The following DACH2 variants were observed in gnomAD, a reference collection of about 807,000 sequenced individuals.
DACH2 encodes dachshund homolog 2.
A neutral mutation model predicts 35.8 loss-of-function variants in DACH2; 17 were observed. The observed-to-expected ratio is 0.48, with a 90% CI of 0.33 to 0.71. The LOEUF is 0.71. DACH2 is among the 30% of genes least tolerant of loss of function. The pLI is 0.02. For missense variants in DACH2, 469 were observed against 472.7 expected (o/e 0.99, Z 0.07); for synonymous variants, 195 against 177.3 (o/e 1.10, Z -0.79).
intron 3 of DACH2, among the ~76,000 whole-genome samples, chrX:86,528,533 A>T (rs763472661): frequency 8.9e-6 from 1 of 111,898 alleles, no homozygotes; most frequent in East Asian, 2.8e-4. Flanking sequence ...TGTGAATTGA[A>T]TTCTAAGCTT....
At chrX:86,419,419 T>A (rs2036763695) in intron 2 of DACH2, among the ~76,000 whole-genome samples, 1 of 112,004 alleles carries the variant, frequency 8.9e-6, no homozygotes. Context: ...ACAAGTCACA[T>A]CTTACATGTG....
At chrX:86,396,139 T>C (rs959800467) in intron 2 of DACH2, among the ~76,000 whole-genome samples, 1 of 112,274 alleles carries the variant, frequency 8.9e-6, no homozygotes, top group African/African-American at 3.2e-5. Context: ...CGATGGCCAG[T>C]GATGATGAGG....
At chrX:86,670,207 A>G (rs1486600016) in intron 4 of DACH2, among the ~76,000 whole-genome samples, 1 of 111,240 alleles carries the variant, frequency 9.0e-6, no homozygotes, top group Non-Finnish European at 1.9e-5. Flanking sequence ...AAATATATCA[A>G]GAATAGATCA....
intron 7 of DACH2, among the ~76,000 whole-genome samples, chrX:86,805,972 A>G (rs891742410): frequency 2.7e-5 from 3 of 111,039 alleles, no homozygotes; most frequent in African/African-American, 9.8e-5. Context: ...ACCTTCCCTC[A>G]TCTTCCTGTC....
At chrX:86,534,777 G>A (rs960402524) in intron 3 of DACH2, among the ~76,000 whole-genome samples, 4 of 111,220 alleles carry the variant, frequency 3.6e-5, no homozygotes, top group African/African-American at 6.5e-5. Flanking sequence ...TTTTACTTTA[G>A]GATTGTATAC....
intron 3 of DACH2, among the ~76,000 whole-genome samples, chrX:86,539,347 C>T (rs188995070): frequency 0.012 from 1,327 of 111,256 alleles, 13 homozygotes; most frequent in Middle Eastern, 0.047. Flanking sequence ...TCAATTAAAC[C>T]TCTTTTCTTT....
intron 7 of DACH2, among the ~76,000 whole-genome samples, chrX:86,796,051 G>A (rs2042234873): frequency 8.9e-6 from 1 of 111,763 alleles, no homozygotes; most frequent in Non-Finnish European, 1.9e-5. Flanking sequence ...TGCTGGCTTG[G>A]GTGGCCAGCT....
chrX:86,213,492 C>A (rs1340518088), intron 1 of DACH2, among the ~76,000 whole-genome samples: 1 of 111,173 alleles, frequency 9.0e-6, no homozygotes, highest in Non-Finnish European at 1.9e-5. Flanking sequence ...GAAAAGCTGG[C>A]AAACTTAAAT....
In DACH2 at chrX:86,393,704, T is replaced by G. The variant is rs181599361; in HGVS notation, c.527+16842T>G. On this transcript the variant is annotated intron_variant, in intron 2 of 11. Coordinates refer to ENST00000373125, the MANE Select transcript of DACH2 (RefSeq NM_053281.3). ...TTTGAGGTATCAGATAATGGGAATC[T>G]ATTTTTATTTACTTGGTGATGCCTA... Among the ~76,000 whole-genome samples, 24 of 111,521 alleles carry G rather than the reference T, an allele frequency of 2.2e-4. No individual in the cohort carries two copies. In the East Asian group the frequency reaches 6.8e-3, roughly 32 times the overall value.
chrX:86,183,961 A>G (rs1430081832), intron 1 of DACH2, among the ~76,000 whole-genome samples: 2 of 111,210 alleles, frequency 1.8e-5, no homozygotes, highest in African/African-American at 6.5e-5. Context: ...GTTTATTTGC[A>G]TGGAGGTGTT....
At chrX:86,192,596 G>T (rs894900094) in intron 1 of DACH2, among the ~76,000 whole-genome samples, 5 of 111,626 alleles carry the variant, frequency 4.5e-5, no homozygotes, top group African/African-American at 1.6e-4. Context: ...TAGAGATTTG[G>T]GGCATTGTTG....
At chrX:86,556,817 G>GAGAGAC (rs1569439462) in intron 3 of DACH2, among the ~76,000 whole-genome samples, 1 of 93,700 alleles carries the variant, frequency 1.1e-5, no homozygotes, top group African/African-American at 3.8e-5. Context: ...GAGAGAGAGA[G>GAGAGAC]AGAGAGAGAG....
intron 2 of DACH2, among the ~76,000 whole-genome samples, chrX:86,499,168 G>A (rs2038214691): frequency 8.9e-6 from 1 of 112,044 alleles, no homozygotes; most frequent in East Asian, 2.8e-4. Context: ...ATCTTCAATG[G>A]AAATAAGGAA....
At chrX:86,676,519 C>T (rs943352314) in intron 4 of DACH2, among the ~76,000 whole-genome samples, 8 of 111,459 alleles carry the variant, frequency 7.2e-5, no homozygotes, top group African/African-American at 2.6e-4. Context: ...GAACTTTCTG[C>T]GATGATGGAA....
At chrX:86,211,018 C>A (rs1005327963) in intron 1 of DACH2, among the ~76,000 whole-genome samples, 1 of 111,257 alleles carries the variant, frequency 9.0e-6, no homozygotes, top group Non-Finnish European at 1.9e-5. Context: ...TAACACAGGG[C>A]CAGAGAGGCC....
At chrX:86,224,571 G>A (rs982982854) in intron 1 of DACH2, among the ~76,000 whole-genome samples, 12 of 106,227 alleles carry the variant, frequency 1.1e-4, no homozygotes, top group African/African-American at 4.2e-4. Context: ...GGTGGCACAT[G>A]ACAGTTTTTT....
intron 7 of DACH2, among the ~76,000 whole-genome samples, chrX:86,761,202 C>A (rs757543244): frequency 1.8e-5 from 2 of 110,164 alleles, no homozygotes; most frequent in Non-Finnish European, 3.8e-5. Context: ...CCTTTCCCCC[C>A]ATCCCTGACA....
chrX:86,547,809 CAT>C (rs2038996784), intron 3 of DACH2, among the ~76,000 whole-genome samples: 2 of 111,959 alleles, frequency 1.8e-5, no homozygotes, highest in African/African-American at 6.5e-5. Context: ...CATAATACTG[CAT>C]TAGGAAGAGT....
chrX:86,355,718 C>T (rs1345048650), intron 1 of DACH2, among the ~76,000 whole-genome samples: 1 of 111,063 alleles, frequency 9.0e-6, no homozygotes, highest in Non-Finnish European at 1.9e-5. Flanking sequence ...TAAATAATAG[C>T]CTTTCTGACT....
Sources: gnomAD v4.1 joint callset for allele counts (sites outside exome capture counted in the v4.1 genomes callset) on GRCh38, gnomAD v4.1.1 for gene constraint, MANE v1.5 for transcripts, NCBI Gene and HGNC (gene_info 2026-07-23, HGNC 2026-07-21) for gene names.